The following SRPK1 variants were observed in gnomAD, a reference collection of about 807,000 sequenced individuals.
SRPK1 encodes SRSF protein kinase 1.
Under a neutral mutation model 89.5 loss-of-function variants are expected in SRPK1, and 52 were observed. The ratio of observed to expected loss-of-function variants is 0.58; its 90% CI spans 0.46 to 0.73. SRPK1 has a LOEUF of 0.73. Among genes scored for constraint, SRPK1 ranks in the 30% least tolerant of loss-of-function variants. SRPK1 has a pLI of 0.00. For synonymous variants in SRPK1, 255 were observed against 270.2 expected, an observed-to-expected ratio of 0.94 and a Z score of 0.55; for missense variants, 603 against 780.6, an observed-to-expected ratio of 0.77 and a Z score of 2.71.
At chr6:35,889,051 ATCAAT>A (rs1770465810) in intron 3 of SRPK1, 128 bp from the exon 4 acceptor site, 3 of 581,520 alleles carry the variant, frequency 5.2e-6, no homozygotes, top group Non-Finnish European at 9.2e-6. Context: ...CTTTTATACA[ATCAAT>A]TCAACAGAAG....
At chr6:35,871,007 A>G in intron 8 of SRPK1, 48 bp from the exon 9 acceptor site, 1 of 1,535,052 alleles carries the variant, frequency 6.5e-7, no homozygotes, top group Non-Finnish European at 9.0e-7. Context: ...TCATCAGGCA[A>G]TATAAACTAA....
At chr6:35,888,332 T>C (rs1271647686) in intron 4 of SRPK1, among the ~76,000 whole-genome samples, 1 of 152,172 alleles carries the variant, frequency 6.6e-6, no homozygotes, top group Non-Finnish European at 1.5e-5. Context: ...ATAATCTCAG[T>C]TGTTGAACAT....
At chr6:35,853,227 C>A (rs1769593491) in intron 13 of SRPK1, among the ~76,000 whole-genome samples, 1 of 151,994 alleles carries the variant, frequency 6.6e-6, no homozygotes, top group African/African-American at 2.4e-5. Context: ...GTTATGATCA[C>A]ACCACTGCAC....
chr6:35,883,413 A>T (rs1770338281), intron 6 of SRPK1, among the ~76,000 whole-genome samples: 1 of 152,110 alleles, frequency 6.6e-6, no homozygotes, highest in African/African-American at 2.4e-5. Flanking sequence ...ATAAAAAAGC[A>T]ATTAAATAAA....
intron 2 of SRPK1, among the ~76,000 whole-genome samples, chr6:35,903,228 A>G (rs1022754462): frequency 6.6e-6 from 1 of 152,108 alleles, no homozygotes; most frequent in Non-Finnish European, 1.5e-5. Flanking sequence ...ACAAAAGTTC[A>G]CAAGAGGCCG....
chr6:35,875,803 T>C (rs1770143434), intron 6 of SRPK1, among the ~76,000 whole-genome samples: 1 of 152,048 alleles, frequency 6.6e-6, no homozygotes, highest in East Asian at 1.9e-4. Context: ...ATTCCACAGA[T>C]TGCTTATTAA....
At chr6:35,915,263 C>A (rs572852045) in intron 2 of SRPK1, among the ~76,000 whole-genome samples, 1 of 151,984 alleles carries the variant, frequency 6.6e-6, no homozygotes, top group African/African-American at 2.4e-5. Context: ...CAAAATTAGC[C>A]AGGCATGGTG....
Position 35,842,616 on chromosome 6 carries a change from A to AG in SRPK1, c.1621-13dup, listed in dbSNP as rs1323177225. 5.0e-6 allele frequency: 8 copies of AG among 1,598,650 alleles called. No individual in the cohort carries two copies. Among genetic ancestry groups the AG allele is most frequent in the Non-Finnish European group, 6.0e-6 (7 of 1,173,028 alleles). ...GCCAGTTCAAAGGCCTAAAAAAAAA[A>AG]GAGGACAGTATATGAAAGCACAAAA... On this transcript the variant is annotated splice_polypyrimidine_tract_variant and intron_variant, in intron 13 of 15. Transcript: ENST00000373825.
At position 35,888,749 on chromosome 6, in the gene SRPK1, G is replaced by A. The variant is rs1179906150; in HGVS notation, c.302+66C>T. The stretch of plus-strand genomic sequence containing the variant: ...ATAGATTGAAGCCTGGATCAGCAGT[G>A]GAAACTCAGACAAACACATTTAGAC... On this transcript the variant is annotated intron_variant, in intron 4 of 15. Transcript: ENST00000373825. The A allele has an allele frequency of 2.9e-6, 3 of 1,050,778 alleles. No homozygotes were observed. The African/African-American group carries it at 4.7e-5, about 16-fold the overall frequency. The allele number at this position is 1,050,778 out of a possible 1,614,324, so 65.1% of individuals were successfully genotyped here. A position where few individuals can be genotyped will look rare whatever the true frequency, so the allele number is the denominator to read the frequency against.
At chr6:35,884,702 T>C (rs1475886272) in intron 6 of SRPK1, among the ~76,000 whole-genome samples, 1 of 151,972 alleles carries the variant, frequency 6.6e-6, no homozygotes, top group Non-Finnish European at 1.5e-5. Context: ...CTAGCAATGT[T>C]TGAAAAATAT....
At chr6:35,899,353 C>G (rs569676649) in intron 2 of SRPK1, among the ~76,000 whole-genome samples, 2 of 152,262 alleles carry the variant, frequency 1.3e-5, no homozygotes, top group South Asian at 4.1e-4. Context: ...ACTTCCTTGA[C>G]TTTCCTATAT....
chr6:35,869,275 T>C, intron 11 of SRPK1, 165 bp from the exon 12 acceptor site: 1 of 872,920 alleles, frequency 1.1e-6, no homozygotes, highest in Non-Finnish European at 1.7e-6. Context: ...TTTCCAGAAT[T>C]AAAAACCTCT....
At chr6:35,893,990 G>A (rs745606432) in intron 2 of SRPK1, among the ~76,000 whole-genome samples, 3 of 151,998 alleles carry the variant, frequency 2.0e-5, no homozygotes, top group East Asian at 1.9e-4. Context: ...CAGCCTGGGC[G>A]ACAGAGCGAG....
At chr6:35,870,835 G>A in intron 9 of SRPK1, 99 bp downstream of exon 9, 1 of 1,066,576 alleles carries the variant, frequency 9.4e-7, no homozygotes, top group Non-Finnish European at 1.4e-6. Flanking sequence ...TTTTCCTTTT[G>A]GTTCTCAAAC....
chr6:35,902,499 G>A (rs1292105858), intron 2 of SRPK1, among the ~76,000 whole-genome samples: 4 of 151,976 alleles, frequency 2.6e-5, no homozygotes, highest in South Asian at 2.1e-4. Context: ...GGTAAAGAAC[G>A]AAGCATGAGA....
chr6:35,894,305 G>C (rs1446022220), intron 2 of SRPK1, among the ~76,000 whole-genome samples: 1 of 152,142 alleles, frequency 6.6e-6, no homozygotes, highest in Non-Finnish European at 1.5e-5. Flanking sequence ...TCTAAAAGAT[G>C]AGTAAAGTCA....
At chr6:35,838,870 C>T in intron 14 of SRPK1, 1 of 1,319,164 alleles carries the variant, frequency 7.6e-7, no homozygotes, top group Non-Finnish European at 1.0e-6. Context: ...ATAGCTTTTT[C>T]AAGGACTAGC....
chr6:35,900,227 G>A (rs1033339838), intron 2 of SRPK1, among the ~76,000 whole-genome samples: 9 of 152,014 alleles, frequency 5.9e-5, no homozygotes, highest in African/African-American at 2.2e-4. Context: ...AGCTCTCTGC[G>A]CCTCTCGCCT....
intron 6 of SRPK1, among the ~76,000 whole-genome samples, 175 bp downstream of exon 6, chr6:35,886,549 T>C (rs906437413): frequency 6.6e-6 from 1 of 152,132 alleles, no homozygotes; most frequent in African/African-American, 2.4e-5. Context: ...TTCTGAAAAA[T>C]CACACCACAC....
Sources: allele counts gnomAD v4.1 joint callset (sites outside exome capture counted in the v4.1 genomes callset), GRCh38; gene constraint gnomAD v4.1.1; transcripts MANE v1.5; gene names NCBI Gene and HGNC (gene_info 2026-07-23, HGNC 2026-07-21).